Variants in SYNJ2 observed in about 807,000 individuals in gnomAD.
The protein encoded by SYNJ2 is synaptojanin 2.
SYNJ2 carries 116 observed loss-of-function variants against 141.3 expected under a neutral mutation model. The observed-to-expected ratio is 0.82, with a 90% CI of 0.71 to 0.96. The LOEUF (loss-of-function observed/expected upper bound fraction) is 0.96. Among genes scored for constraint, SYNJ2 ranks in the 40% least tolerant of loss-of-function variants. The pLI, the probability that SYNJ2 is intolerant of heterozygous loss-of-function variation, is 0.00. For synonymous variants in SYNJ2, 745 were observed against 777.7 expected (o/e 0.96, Z 0.70); for missense variants, 1,873 against 1,934.8 (o/e 0.97, Z 0.60).
At chr6:158,018,591 G>A (rs1778596366) in intron 2 of SYNJ2, among the ~76,000 whole-genome samples, 1 of 152,222 alleles carries the variant, frequency 6.6e-6, no homozygotes, top group African/African-American at 2.4e-5. Context: ...CCTGAACTGT[G>A]ACGATTACAG....
At chr6:158,091,609 C>T (rs915586529) in intron 25 of SYNJ2, among the ~76,000 whole-genome samples, 3 of 151,718 alleles carry the variant, frequency 2.0e-5, no homozygotes, top group African/African-American at 7.3e-5. Flanking sequence ...ATTAGCCGGG[C>T]GTGGTGGCAC....
chr6:158,086,477 G>A (rs953064804), intron 22 of SYNJ2, among the ~76,000 whole-genome samples: 20 of 152,162 alleles, frequency 1.3e-4, no homozygotes, highest in Non-Finnish European at 2.6e-4. Flanking sequence ...TTCCTCAGCC[G>A]GTGTGTTCTA....
rs747251117 is a variant in SYNJ2 at position 158,017,178 on chromosome 6, C to A, written c.128-26C>A. ...AATGAGCAGGAGACGCTCGCTGATG[C>A]CTTCTGTGATGTGTTTCTTCCCCAG... On this transcript the variant is annotated intron_variant, in intron 1 of 26. Transcript: ENST00000355585. The A allele has an allele frequency of 3.1e-6, 5 of 1,608,694 alleles. No individual in the cohort carries two copies. In the South Asian group the frequency reaches 4.4e-5, roughly 14 times the overall value.
chr6:158,075,376 C>T (rs1455263360), intron 16 of SYNJ2, among the ~76,000 whole-genome samples: 1 of 151,816 alleles, frequency 6.6e-6, no homozygotes, highest in Non-Finnish European at 1.5e-5. Flanking sequence ...TGCGGTGGCT[C>T]TTGCCTGTAA....
At chr6:158,062,210 C>T (rs746160033) in intron 8 of SYNJ2, 46 bp downstream of exon 8, 7 of 1,592,746 alleles carry the variant, frequency 4.4e-6, no homozygotes, top group Non-Finnish European at 5.1e-6. Context: ...TGGGGGGAAG[C>T]GTCAGTCCAC....
At chr6:158,058,254 A>G (rs1029868796) in intron 6 of SYNJ2, among the ~76,000 whole-genome samples, 12 of 152,228 alleles carry the variant, frequency 7.9e-5, no homozygotes, top group African/African-American at 2.4e-4. Context: ...TAAAGATTGC[A>G]CCATTAAACG....
intron 6 of SYNJ2, among the ~76,000 whole-genome samples, chr6:158,056,271 G>A (rs1780862644): frequency 1.3e-5 from 2 of 152,188 alleles, no homozygotes; most frequent in African/African-American, 2.4e-5. Flanking sequence ...CATGGTGTGT[G>A]AGATGCACGT....
rs1176866699 is a variant in SYNJ2, at chr6:158,098,565, G to T, written c.*2201G>T. ...AAAAAAAAAAAGGACAATTGGAATT[G>T]CCTTATTTATTTTTAAAATCAATGC... is the stretch of plus-strand genomic sequence containing the variant. On this transcript the variant is annotated 3_prime_UTR_variant, in exon 27 of 27. Transcript: ENST00000355585. The T allele has an allele frequency of 6.6e-6, 1 of 151,524 alleles. No homozygotes were observed. The allele number at this position is 151,524 out of a possible 1,614,324, so 9.4% of individuals were successfully genotyped here.
At chr6:157,985,306 G>C (rs766847134) in intron 1 of SYNJ2, among the ~76,000 whole-genome samples, 4 of 152,226 alleles carry the variant, frequency 2.6e-5, no homozygotes, top group Non-Finnish European at 4.4e-5. Flanking sequence ...CGTCTGGCCT[G>C]CTAGCAGGAT....
In SYNJ2 at chr6:158,064,614, A is replaced by T; in HGVS notation, c.1223A>T (p.Gln408Leu). The change falls in exon 10 of 27, where the codon CAG becomes CTG. Residue 408 changes from glutamine to leucine, a missense_variant. Physicochemically the swap from Gln to Leu is moderately radical, Grantham distance 113. Coordinates refer to ENST00000355585, the MANE Select transcript of SYNJ2 (RefSeq NM_003898.4). The stretch of plus-strand genomic sequence containing the variant: ...ATTCCTCCCCAGGTCCTGCATCTGC[A>T]GCTCAAGACCCTGGGGCTGAGTTCA... ...SFIALEVLHL[Q>L]LKTLGLSSKP... 6 of 1,613,862 alleles carry T rather than the reference A, an allele frequency of 3.7e-6. No individual in the cohort carries two copies. The highest frequency in any genetic ancestry group is 5.1e-6 in the Non-Finnish European group (6 of 1,179,950).
At chr6:158,031,337 G>A (rs770648061) in intron 3 of SYNJ2, among the ~76,000 whole-genome samples, 14 of 152,330 alleles carry the variant, frequency 9.2e-5, no homozygotes, top group Non-Finnish European at 1.6e-4. Context: ...TCTTCCCTAT[G>A]CCAGCTCTGT....
chr6:158,059,137 C>T, intron 6 of SYNJ2, 120 bp from the exon 7 acceptor site: 1 of 1,101,916 alleles, frequency 9.1e-7, no homozygotes, highest in East Asian at 2.8e-5. Flanking sequence ...GACAGCTGGT[C>T]CTGGACTGTG....
At chr6:158,005,356 C>T (rs1004290551) in intron 1 of SYNJ2, among the ~76,000 whole-genome samples, 11 of 152,132 alleles carry the variant, frequency 7.2e-5, no homozygotes, top group South Asian at 6.2e-4. Flanking sequence ...GGATTAGAGG[C>T]GTGAGCCACC....
At chr6:158,023,426 C>G (rs776137079) in intron 2 of SYNJ2, among the ~76,000 whole-genome samples, 1 of 152,062 alleles carries the variant, frequency 6.6e-6, no homozygotes, top group Non-Finnish European at 1.5e-5. Flanking sequence ...GGGGCCTTCC[C>G]GGAGAGGCAG....
rs564141147 is a variant in SYNJ2 at position 158,069,214 on chromosome 6, C to T, written c.1800-319C>T. On this transcript the variant is annotated intron_variant, in intron 13 of 26. Transcript: ENST00000355585. Reference sequence around the variant, plus strand: ...TATGAAGTCAACTGGGCGCTCCCCCCACCCCCTGCTGAACTGGCCTGGCTT... The same window carrying T: ...TATGAAGTCAACTGGGCGCTCCCCCTACCCCCTGCTGAACTGGCCTGGCTT... Among the ~76,000 whole-genome samples the T allele has an allele frequency of 1.9e-4, 29 of 152,220 alleles. 1 individual carries two copies. In the South Asian group the frequency reaches 5.0e-3, roughly 26 times the overall value.
At chr6:158,007,703 C>T (rs1778125483) in intron 1 of SYNJ2, among the ~76,000 whole-genome samples, 2 of 152,120 alleles carry the variant, frequency 1.3e-5, no homozygotes, top group African/African-American at 4.8e-5. Flanking sequence ...AGTGCAGTGG[C>T]GTGACCATGG....
chr6:157,998,118 C>G (rs1170011998), intron 1 of SYNJ2, among the ~76,000 whole-genome samples: 2 of 152,240 alleles, frequency 1.3e-5, no homozygotes, highest in African/African-American at 4.8e-5. Flanking sequence ...CAGCAGGATG[C>G]TGCCTGCTGC....
chr6:158,083,244 T>C (rs1176073319), intron 20 of SYNJ2, among the ~76,000 whole-genome samples, 185 bp from the exon 21 acceptor site: 1 of 152,124 alleles, frequency 6.6e-6, no homozygotes, highest in East Asian at 1.9e-4. Context: ...AGTTCAACTT[T>C]TTTTTCAACC....
chr6:157,982,187 C>G lies in SYNJ2; in HGVS notation c.127+99C>G. 9 of 1,236,520 alleles carry G rather than the reference C, an allele frequency of 7.3e-6. No individual in the cohort carries two copies. The highest frequency in any genetic ancestry group is 9.1e-6 in the Non-Finnish European group (9 of 986,562). 76.6% of individuals were successfully genotyped at this position (1,236,520 alleles called of 1,614,324 possible). On this transcript the variant is annotated intron_variant, in intron 1 of 26. Coordinates refer to ENST00000355585, the MANE Select transcript of SYNJ2 (RefSeq NM_003898.4). This position sits in a 1 kb window ranked among gnomAD's most constrained non-coding sequence, Gnocchi z 4.0. ...ACCCCCCCTTCCCGAGGGGATCGGGCGGCGCTGGGACTGCCGGGGCGTAGG... is the reference window on the plus strand; with the variant it reads ...ACCCCCCCTTCCCGAGGGGATCGGGGGGCGCTGGGACTGCCGGGGCGTAGG...
Sources: gnomAD v4.1 joint callset for allele counts (sites outside exome capture counted in the v4.1 genomes callset) on GRCh38, gnomAD v4.1.1 for gene constraint, Gnocchi (gnomAD v3.1) non-coding constraint, MANE v1.5 for transcripts, NCBI Gene and HGNC (gene_info 2026-07-23, HGNC 2026-07-21) for gene names.